Variants in CELA3A observed in about 807,000 individuals in gnomAD.
CELA3A encodes the protein chymotrypsin like elastase 3A, also known as chymotrypsin-like elastase family member 3A.
CELA3A carries 35 observed loss-of-function variants against 38.6 expected under a neutral mutation model. The observed-to-expected ratio is 0.91, with a 90% CI of 0.69 to 1.20. CELA3A has a LOEUF of 1.20. Ranked by LOEUF, CELA3A falls within the 50% of genes most tolerant of loss-of-function variation. The probability of loss-of-function intolerance (pLI) is 0.00; values close to 1 mark genes in which losing one functional copy is unlikely to be tolerated. For missense variants in CELA3A, 343 were observed against 354.2 expected, an observed-to-expected ratio of 0.97 and a Z score of 0.25; for synonymous variants, 143 against 136.7, an observed-to-expected ratio of 1.05 and a Z score of -0.32.
chr1:22,008,616 G>T (rs1485227878), intron 6 of CELA3A, among the ~76,000 whole-genome samples: 4 of 150,608 alleles, frequency 2.7e-5, no homozygotes, highest in South Asian at 2.1e-4. Context: ...AAAGTTAGCC[G>T]GGTGTGGTGG....
chr1:22,010,189 A>T, intron 7 of CELA3A: 1 of 388,814 alleles, frequency 2.6e-6, no homozygotes, highest in South Asian at 2.1e-5. Context: ...GGGACAGGTG[A>T]TTACATGAAT....
At chr1:22,005,839 T>A (rs74922245) in intron 4 of CELA3A, 43 bp downstream of exon 4, 3 of 1,386,260 alleles carry the variant, frequency 2.2e-6, no homozygotes, top group Non-Finnish European at 1.0e-6. Context: ...CTCCTCTACT[T>A]GTCCCTCCAT....
chr1:22,007,330 G>A (rs776720792), intron 5 of CELA3A, 43 bp from the exon 6 acceptor site: 96 of 1,576,328 alleles, frequency 6.1e-5, no homozygotes, highest in Non-Finnish European at 7.9e-5. Context: ...GCACCTAGCG[G>A]TGTGCCCCCA....
At chr1:22,003,282 T>C (rs1464708505) in intron 2 of CELA3A, among the ~76,000 whole-genome samples, 194 bp downstream of exon 2, 1 of 151,070 alleles carries the variant, frequency 6.6e-6, no homozygotes, top group Non-Finnish European at 1.5e-5. Context: ...ACTGGGCTAT[T>C]TGCAACTTAA....
intron 7 of CELA3A, among the ~76,000 whole-genome samples, chr1:22,011,450 T>C (rs1644983363): frequency 7.6e-6 from 1 of 132,340 alleles, no homozygotes; most frequent in Non-Finnish European, 1.6e-5. Context: ...CTTGGTTCCC[T>C]GACCCATGTT....
intron 4 of CELA3A, among the ~76,000 whole-genome samples, chr1:22,006,458 C>T (rs541358814): frequency 7.3e-5 from 11 of 151,296 alleles, no homozygotes; most frequent in South Asian, 4.2e-4. Flanking sequence ...ACTCGGGAGG[C>T]GGAGGCTGCA....
chr1:22,007,323 C>G (rs1644956995), intron 5 of CELA3A, 50 bp from the exon 6 acceptor site: 1 of 1,569,150 alleles, frequency 6.4e-7, no homozygotes, highest in Non-Finnish European at 8.6e-7. Flanking sequence ...CTCTGGGGCA[C>G]CTAGCGGTGT....
chr1:22,007,507 G>C lies in CELA3A; in HGVS notation c.634G>C (p.Gly212Arg), dbSNP rs777393712. The change falls in exon 6 of 8, where the codon GGC becomes CGC. Residue 212 changes from glycine (G) to arginine (R), a missense_variant. Gly to Arg is a moderately radical substitution (Grantham distance 125). Coordinates refer to ENST00000290122, the MANE Select transcript of CELA3A (RefSeq NM_005747.5). The stretch of plus-strand genomic sequence containing the variant: ...GTGTGCTGGAGGGTACATCCGCTCC[G>C]GCTGCAACGTGAGTCAGCTCTTACC... ...MVCAGGYIRSGCNGDSGGPLN... is the reference protein window; with the variant it reads ...MVCAGGYIRSRCNGDSGGPLN... The C allele has an allele frequency of 6.2e-7, 1 of 1,609,868 alleles. No individual in the cohort carries two copies. The highest frequency in any genetic ancestry group is 1.1e-5 in the South Asian group (1 of 90,686).
intron 2 of CELA3A, among the ~76,000 whole-genome samples, chr1:22,004,004 G>A (rs1479563226): frequency 6.7e-6 from 1 of 150,276 alleles, no homozygotes; most frequent in Non-Finnish European, 1.5e-5. Context: ...GCACCCAGCT[G>A]AAATTTACTT....
intron 5 of CELA3A, 58 bp downstream of exon 5, chr1:22,007,072 G>T (rs1418470917): frequency 1.4e-5 from 23 of 1,593,614 alleles, no homozygotes; most frequent in Admixed American, 3.4e-5. Context: ...CAGGGCCTGG[G>T]GGCTGCAGGT....
intron 6 of CELA3A, among the ~76,000 whole-genome samples, chr1:22,009,179 C>CACGGTGAA (rs1480142947): frequency 2.0e-5 from 3 of 151,160 alleles, no homozygotes; most frequent in South Asian, 4.2e-4. Flanking sequence ...TCCTGGCTAA[C>CACGGTGAA]ACGGTGAAAC....
rs113034895 is a variant in CELA3A at position 22,005,076 on chromosome 1, G to C, written c.130-371G>C. ...ATTGCCACCATTGCACTCCAGCCTG[G>C]GGAACAAGAGCAAAACTCCATCTCA... On this transcript the variant is annotated intron_variant, in intron 2 of 7. Transcript: ENST00000290122. Among the ~76,000 whole-genome samples, 1,421 of 150,024 alleles carry C rather than the reference G, an allele frequency of 9.5e-3. 68 individuals carry two copies. The highest frequency in any genetic ancestry group is 0.033 in the African/African-American group (1,314 of 40,258).
chr1:22,006,767 G>A lies in CELA3A; in HGVS notation c.363-111G>A, dbSNP rs1439691962. The A allele has an allele frequency of 2.2e-6, 3 of 1,334,688 alleles. No homozygotes were observed. In the African/African-American group the frequency reaches 4.5e-5, roughly 20 times the overall value. 82.7% of individuals were successfully genotyped at this position (1,334,688 alleles called of 1,614,324 possible). A position where few individuals can be genotyped will look rare whatever the true frequency, so the allele number is the denominator to read the frequency against. ...ATGATGATGAAAGAGTGGATTTGGAGGGTAAAGAAGTTGGGGCATCTCAGA... is the reference window on the plus strand; with the variant it reads ...ATGATGATGAAAGAGTGGATTTGGAAGGTAAAGAAGTTGGGGCATCTCAGA... On this transcript the variant is annotated intron_variant, in intron 4 of 7. Transcript: ENST00000290122.
chr1:22,002,938 A>C (rs1332210112), intron 1 of CELA3A, 65 bp from the exon 2 acceptor site: 2 of 1,448,874 alleles, frequency 1.4e-6, no homozygotes, highest in Admixed American at 3.4e-5. Context: ...TTGGACTGGG[A>C]CCCTGGCCTC....
intron 2 of CELA3A, among the ~76,000 whole-genome samples, chr1:22,004,800 G>A (rs1402070022): frequency 6.6e-6 from 1 of 150,860 alleles, no homozygotes; most frequent in Non-Finnish European, 1.5e-5. Context: ...AAGAGCTGAG[G>A]TTCAAAAGAG....
In CELA3A at chr1:22,001,674, C is replaced by T; in HGVS notation, c.-1C>T. ...GCCCTTTTCCTATCATCACAAAACT[C>T]ATGATGCTCCGGCTGCTCAGTTCCC... is the stretch of plus-strand genomic sequence containing the variant. On this transcript the variant is annotated 5_prime_UTR_variant, in exon 1 of 8. Transcript: ENST00000290122. 1 of 1,612,086 alleles carries T rather than the reference C, an allele frequency of 6.2e-7. No homozygotes were observed. Among genetic ancestry groups the T allele is most frequent in the Non-Finnish European group, 8.5e-7 (1 of 1,179,396 alleles).
chr1:22,009,651 G>A (rs1644971732), intron 6 of CELA3A, 54 bp from the exon 7 acceptor site: 1 of 1,588,642 alleles, frequency 6.3e-7, no homozygotes, highest in African/African-American at 1.4e-5. Flanking sequence ...TTCAGAACCA[G>A]TTCCGTAAAC....
At chr1:22,005,594 G>A in intron 3 of CELA3A, 50 bp downstream of exon 3, 4 of 1,612,234 alleles carry the variant, frequency 2.5e-6, no homozygotes, top group Non-Finnish European at 3.4e-6. Context: ...GCGGGGGAGA[G>A]TGGGTGATGA....
intron 7 of CELA3A, among the ~76,000 whole-genome samples, chr1:22,010,348 C>A (rs191816083): frequency 0.012 from 1,744 of 150,714 alleles, 72 homozygotes; most frequent in African/African-American, 0.04. Context: ...CTGGGCATGG[C>A]ATAGTCATGC....
Sources: gnomAD v4.1 joint callset for allele counts (sites outside exome capture counted in the v4.1 genomes callset) on GRCh38, gnomAD v4.1.1 for gene constraint, MANE v1.5 for transcripts, NCBI Gene and HGNC (gene_info 2026-07-23, HGNC 2026-07-21) for gene names.